Variants in GRM5 observed in about 807,000 individuals in gnomAD.
GRM5 encodes metabotropic glutamate receptor 5.
Under a neutral mutation model 83.1 loss-of-function variants are expected in GRM5, and 19 were observed. That is an observed-to-expected ratio of 0.23 (90% CI 0.16 to 0.34). The LOEUF (loss-of-function observed/expected upper bound fraction) is 0.34, where lower values mean the gene tolerates loss of function less well. Among genes scored for constraint, GRM5 ranks in the 10% least tolerant of loss-of-function variants. GRM5 has a pLI of 1.00. For synonymous variants in GRM5, 675 were observed against 633.6 expected (o/e 1.07, Z -0.98); for missense variants, 1,160 against 1,588.3 (o/e 0.73, Z 4.58).
At chr11:88,841,571 A>G (rs1944202268) in intron 3 of GRM5, among the ~76,000 whole-genome samples, 1 of 152,222 alleles carries the variant, frequency 6.6e-6, no homozygotes, top group East Asian at 1.9e-4. Context: ...CTGCTGGTGT[A>G]GCCACAGGGA....
At chr11:88,810,493 G>T (rs962734362) in intron 3 of GRM5, among the ~76,000 whole-genome samples, 1 of 152,038 alleles carries the variant, frequency 6.6e-6, no homozygotes, top group African/African-American at 2.4e-5. Flanking sequence ...AGCAAGGTAT[G>T]GTGGGGCCCA....
At chr11:88,639,862 T>A (rs1939243048) in intron 4 of GRM5, among the ~76,000 whole-genome samples, 1 of 152,134 alleles carries the variant, frequency 6.6e-6, no homozygotes, top group Non-Finnish European at 1.5e-5. Context: ...TGTAGAAAAT[T>A]GGTCTTTTTA....
At chr11:88,720,821 C>CGTGCGTGTGTGTGTGTGTGT (rs1555001359) in intron 3 of GRM5, among the ~76,000 whole-genome samples, 15 of 137,266 alleles carry the variant, frequency 1.1e-4, no homozygotes, top group African/African-American at 4.0e-4. Context: ...TGTGTGTGTG[C>CGTGCGTGTGTGTGTGTGTGT]GTGTGTGTGT....
At chr11:88,598,626 A>G (rs1937887480) in intron 5 of GRM5, among the ~76,000 whole-genome samples, 1 of 152,164 alleles carries the variant, frequency 6.6e-6, no homozygotes, top group African/African-American at 2.4e-5. Context: ...CTGTGCATGC[A>G]ATGAGTTGAG....
intron 3 of GRM5, among the ~76,000 whole-genome samples, chr11:88,786,718 A>G (rs1015680861): frequency 3.3e-5 from 5 of 151,976 alleles, no homozygotes; most frequent in Admixed American, 2.0e-4. Context: ...ATTCCCACAG[A>G]CACTTTTTTG....
chr11:88,983,117 T>G (rs1374140114), intron 2 of GRM5, among the ~76,000 whole-genome samples: 2 of 152,188 alleles, frequency 1.3e-5, no homozygotes, highest in Non-Finnish European at 2.9e-5. Flanking sequence ...TATAGCCTCC[T>G]TTTTCAATGT....
chr11:88,718,391 GT>G (rs1373426603), intron 3 of GRM5, among the ~76,000 whole-genome samples: 2 of 151,854 alleles, frequency 1.3e-5, no homozygotes, highest in Non-Finnish European at 2.9e-5. Context: ...TCTATTTTCA[GT>G]TTAACAAAGT....
chr11:88,910,605 A>G (rs991868439), intron 2 of GRM5, among the ~76,000 whole-genome samples: 11 of 152,112 alleles, frequency 7.2e-5, no homozygotes, highest in African/African-American at 2.7e-4. Context: ...GAATTAGACA[A>G]AAACCTGAAC....
At chr11:89,016,126 A>G (rs1017337167) in intron 2 of GRM5, among the ~76,000 whole-genome samples, 2 of 151,616 alleles carry the variant, frequency 1.3e-5, no homozygotes, top group African/African-American at 4.8e-5. Context: ...GTGTTAAGGT[A>G]AAACTAACTA....
At chr11:88,529,489 T>C (rs1008692843) in intron 8 of GRM5, among the ~76,000 whole-genome samples, 1 of 151,790 alleles carries the variant, frequency 6.6e-6, no homozygotes, top group Non-Finnish European at 1.5e-5. Flanking sequence ...AAACACTGTT[T>C]AGTAATTTTT....
intron 3 of GRM5, among the ~76,000 whole-genome samples, chr11:88,705,234 G>T (rs1941127354): frequency 6.6e-6 from 1 of 152,052 alleles, no homozygotes; most frequent in Admixed American, 6.6e-5. Flanking sequence ...CACCTGACGA[G>T]CTTGAAGACT....
intron 2 of GRM5, among the ~76,000 whole-genome samples, chr11:88,859,808 T>A (rs890052671): frequency 6.6e-5 from 10 of 152,188 alleles, no homozygotes; most frequent in African/African-American, 2.2e-4. Context: ...AACATAATAT[T>A]TAATATATAA....
rs116179555 is a variant in GRM5 at position 88,598,413 on chromosome 11, A to T, written c.1395-1061T>A. On this transcript the variant is annotated intron_variant, in intron 5 of 9. Transcript: ENST00000305447. ...TATAAAATGATGCCATTCTGTTTTC[A>T]CTCCCAGTCACATTTTTTACTGTAG... 5.0e-3 allele frequency among the ~76,000 whole-genome samples: 754 copies of T among 151,744 alleles called. 5 individuals carry two copies. The highest frequency in any genetic ancestry group is 0.017 in the African/African-American group (712 of 41,378).
intron 3 of GRM5, among the ~76,000 whole-genome samples, chr11:88,680,939 G>A (rs1940469096): frequency 6.6e-6 from 1 of 152,166 alleles, no homozygotes; most frequent in Admixed American, 6.5e-5. Flanking sequence ...AAAGATAGCT[G>A]AGAAGTACAG....
At chr11:88,826,676 A>G (rs1247469844) in intron 3 of GRM5, among the ~76,000 whole-genome samples, 1 of 152,140 alleles carries the variant, frequency 6.6e-6, no homozygotes, top group Non-Finnish European at 1.5e-5. Flanking sequence ...GCATTTTGTA[A>G]TCTTTAAAGC....
chr11:88,516,572 T>C (rs1480658384), intron 9 of GRM5, among the ~76,000 whole-genome samples: 2 of 152,176 alleles, frequency 1.3e-5, no homozygotes, highest in Non-Finnish European at 2.9e-5. Flanking sequence ...CTTTCTGTCT[T>C]ACAGCACCTC....
chr11:88,576,037 G>T (rs1410329777), intron 7 of GRM5, among the ~76,000 whole-genome samples: 1 of 152,124 alleles, frequency 6.6e-6, no homozygotes, highest in Non-Finnish European at 1.5e-5. Context: ...TGTGATCACA[G>T]ATGCACATTT....
intron 2 of GRM5, among the ~76,000 whole-genome samples, chr11:88,902,441 A>G (rs1439233082): frequency 1.3e-5 from 2 of 152,182 alleles, no homozygotes; most frequent in Admixed American, 1.3e-4. Context: ...CATACTGAGT[A>G]TTCAAAAACC....
chr11:88,719,221 C>T (rs1339558783), intron 3 of GRM5, among the ~76,000 whole-genome samples: 1 of 151,854 alleles, frequency 6.6e-6, no homozygotes, highest in Non-Finnish European at 1.5e-5. Context: ...CTCCTTTTAC[C>T]CTCCACCCTC....
Sources: gnomAD v4.1 joint callset for allele counts (sites outside exome capture counted in the v4.1 genomes callset) on GRCh38, gnomAD v4.1.1 for gene constraint, MANE v1.5 for transcripts, NCBI Gene and HGNC (gene_info 2026-07-23, HGNC 2026-07-21) for gene names.